The following NCEH1 variants were observed in gnomAD, a reference collection of about 807,000 sequenced individuals.
The protein encoded by NCEH1 is neutral cholesterol ester hydrolase 1.
A neutral mutation model predicts 25.4 loss-of-function variants in NCEH1; 9 were observed. The observed-to-expected ratio is 0.35, with a 90% CI of 0.21 to 0.62. The LOEUF is 0.62. Among genes scored for constraint, NCEH1 ranks in the 20% least tolerant of loss-of-function variants. The probability of loss-of-function intolerance (pLI) is 0.72; values close to 1 mark genes in which losing one functional copy is unlikely to be tolerated. For synonymous variants in NCEH1, 200 were observed against 199.8 expected, an observed-to-expected ratio of 1.00 and a Z score of -0.01; for missense variants, 412 against 501.1, an observed-to-expected ratio of 0.82 and a Z score of 1.70.
At chr3:172,697,970 A>ATT (rs386398562) in intron 1 of NCEH1, among the ~76,000 whole-genome samples, 13,468 of 101,086 alleles carry the variant, frequency 0.13, 1,040 homozygotes, top group Non-Finnish European at 0.16. Flanking sequence ...TAAAAGCAGA[A>ATT]TTTTTTTTTT....
chr3:172,680,286 G>A (rs766761309), intron 1 of NCEH1, among the ~76,000 whole-genome samples: 3 of 152,276 alleles, frequency 2.0e-5, no homozygotes, highest in African/African-American at 2.4e-5. Flanking sequence ...TTGTAATGAC[G>A]AAACTCAGGT....
intron 3 of NCEH1, among the ~76,000 whole-genome samples, chr3:172,641,499 T>C (rs921370429): frequency 1.3e-5 from 2 of 152,060 alleles, no homozygotes; most frequent in Admixed American, 6.5e-5. Context: ...CTTCCTCAGA[T>C]AAAAACCTTC....
intron 1 of NCEH1, among the ~76,000 whole-genome samples, chr3:172,696,310 T>C (rs1213587309): frequency 6.6e-6 from 1 of 152,128 alleles, no homozygotes; most frequent in Non-Finnish European, 1.5e-5. Context: ...TACACCTGTA[T>C]AGAAATCCGC....
Position 172,688,330 on chromosome 3 carries a change from C to CAAAAAAAA in NCEH1, c.138+22509_138+22516dup, listed in dbSNP as rs11376665. Reference sequence around the variant, plus strand: ...AGGCAACAAGAGCGAAACTCCACCTCAAAAAAAAAAAAAAAAAAAAAAGAA... The same window carrying CAAAAAAAA: ...AGGCAACAAGAGCGAAACTCCACCTCAAAAAAAAAAAAAAAAAAAAAAAAAAAAAAGAA... On this transcript the variant is annotated intron_variant, in intron 1 of 4. Coordinates refer to ENST00000475381, the MANE Select transcript of NCEH1 (RefSeq NM_020792.6). Among the ~76,000 whole-genome samples, 334 of 65,872 alleles carry CAAAAAAAA rather than the reference C, an allele frequency of 5.1e-3. 1 individual carries two copies. Among genetic ancestry groups the CAAAAAAAA allele is most frequent in the Non-Finnish European group, 6.3e-3 (231 of 36,706 alleles). The allele number at this position is 65,872 out of a possible 152,430, so 43.2% of individuals were successfully genotyped here.
intron 1 of NCEH1, among the ~76,000 whole-genome samples, chr3:172,695,139 T>C (rs1713287289): frequency 6.6e-6 from 1 of 152,208 alleles, no homozygotes; most frequent in Admixed American, 6.5e-5. Flanking sequence ...TCCATACTCA[T>C]AGGCCAGATC....
At chr3:172,638,193 A>G (rs1186181352) in intron 3 of NCEH1, among the ~76,000 whole-genome samples, 1 of 149,390 alleles carries the variant, frequency 6.7e-6, no homozygotes, top group Non-Finnish European at 1.5e-5. Flanking sequence ...CAATAAAAAA[A>G]CTCCCTTAGT....
chr3:172,650,680 C>T (rs1717354987), intron 1 of NCEH1, among the ~76,000 whole-genome samples: 1 of 149,958 alleles, frequency 6.7e-6, no homozygotes, highest in South Asian at 2.1e-4. Context: ...GGCATGGTGG[C>T]ACATGCCTGT....
chr3:172,646,966 C>A (rs996521141), intron 2 of NCEH1, among the ~76,000 whole-genome samples: 2 of 152,126 alleles, frequency 1.3e-5, no homozygotes, highest in Admixed American at 6.6e-5. Flanking sequence ...TGCAGCCCAG[C>A]AAACCCCTTG....
chr3:172,673,099 C>T (rs1037813551), intron 1 of NCEH1, among the ~76,000 whole-genome samples: 13 of 152,184 alleles, frequency 8.5e-5, no homozygotes, highest in South Asian at 2.1e-4. Context: ...TCTCTTTTCT[C>T]CTCTCTAAGC....
At chr3:172,642,923 T>C (rs1405199754) in intron 3 of NCEH1, among the ~76,000 whole-genome samples, 1 of 151,092 alleles carries the variant, frequency 6.6e-6, no homozygotes, top group Non-Finnish European at 1.5e-5. Context: ...CATTCTTTTG[T>C]TTTTGCTTTG....
intron 1 of NCEH1, among the ~76,000 whole-genome samples, chr3:172,692,553 T>C (rs761327852): frequency 4.0e-5 from 6 of 151,510 alleles, no homozygotes; most frequent in Non-Finnish European, 7.4e-5. Flanking sequence ...TTTGTAGAGA[T>C]GGGGTTGCAC....
chr3:172,710,107 G>A (rs1425108062), intron 1 of NCEH1, among the ~76,000 whole-genome samples: 1 of 152,208 alleles, frequency 6.6e-6, no homozygotes, highest in Admixed American at 6.5e-5. Context: ...CCCAGGTTAA[G>A]GCAGGTAACC....
intron 1 of NCEH1, among the ~76,000 whole-genome samples, chr3:172,704,358 T>C (rs895604564): frequency 2.0e-5 from 3 of 152,236 alleles, no homozygotes; most frequent in Non-Finnish European, 4.4e-5. Context: ...AAAAGATTCA[T>C]AGTGTAAGCA....
chr3:172,663,679 C>A, intron 1 of NCEH1, among the ~76,000 whole-genome samples: 1 of 152,130 alleles, frequency 6.6e-6, no homozygotes, highest in Admixed American at 6.5e-5. Context: ...GGATAGTTAG[C>A]ACTTCTTGTT....
At chr3:172,640,155 TACATG>T (rs1716782387) in intron 3 of NCEH1, among the ~76,000 whole-genome samples, 1 of 152,224 alleles carries the variant, frequency 6.6e-6, no homozygotes, top group South Asian at 2.1e-4. Context: ...AGGTGAAAGA[TACATG>T]CGGCATTCTG....
At chr3:172,639,365 T>C (rs1340131828) in intron 3 of NCEH1, among the ~76,000 whole-genome samples, 1 of 151,926 alleles carries the variant, frequency 6.6e-6, no homozygotes, top group Non-Finnish European at 1.5e-5. Context: ...TTTATTAGGT[T>C]ACCTGGCATA....
intron 3 of NCEH1, among the ~76,000 whole-genome samples, chr3:172,638,215 T>G (rs1183643420): frequency 1.5e-5 from 2 of 131,940 alleles, no homozygotes; most frequent in African/African-American, 5.7e-5. Flanking sequence ...GAGGCGGAGC[T>G]TGCAGTGAGC....
chr3:172,638,276 CAAAAAAAAAAAAA>C (rs57018096), intron 3 of NCEH1, among the ~76,000 whole-genome samples: 9 of 22,574 alleles, frequency 4.0e-4, no homozygotes, highest in African/African-American at 9.9e-4. Context: ...AGACTCTGTC[CAAAAAAAAAAAAA>C]AAAAAAAAAA....
chr3:172,698,842 C>T (rs1306114828), intron 1 of NCEH1, among the ~76,000 whole-genome samples: 2 of 152,206 alleles, frequency 1.3e-5, no homozygotes, highest in Non-Finnish European at 2.9e-5. Context: ...GTCAGAAGCA[C>T]GTGGAAGCAC....
Sources: allele counts gnomAD v4.1 joint callset (sites outside exome capture counted in the v4.1 genomes callset), GRCh38; gene constraint gnomAD v4.1.1; transcripts MANE v1.5; gene names NCBI Gene and HGNC (gene_info 2026-07-23, HGNC 2026-07-21).